CADM2: variants seen among roughly 807,000 people sequenced by gnomAD.
CADM2 encodes cell adhesion molecule 2.
A neutral mutation model predicts 49.8 loss-of-function variants in CADM2; 12 were observed. That is an observed-to-expected ratio of 0.24 (90% CI 0.15 to 0.39). The LOEUF (loss-of-function observed/expected upper bound fraction) is 0.39, where lower values mean the gene tolerates loss of function less well. Ranked by LOEUF, CADM2 falls within the 10% of genes least tolerant of loss-of-function variation. CADM2 has a pLI of 1.00. For synonymous variants in CADM2, 214 were observed against 175.4 expected (o/e 1.22, Z -1.74); for missense variants, 378 against 492.3 (o/e 0.77, Z 2.20).
Position 86,013,119 on chromosome 3 carries a change from T to C in CADM2, c.970+51472T>C, listed in dbSNP as rs1274950846. The C allele has an allele frequency of 2.0e-5, 27 of 1,352,126 alleles. No individual in the cohort carries two copies. The East Asian group carries it at 6.0e-4, about 30-fold the overall frequency. 83.8% of individuals were successfully genotyped at this position (1,352,126 alleles called of 1,614,324 possible). A position where few individuals can be genotyped will look rare whatever the true frequency, so the allele number is the denominator to read the frequency against. ...AACAATATTTGATCTTACAGTCATTTGAACAAACCACGTAAGTAGACACAG... is the reference window on the plus strand; with the variant it reads ...AACAATATTTGATCTTACAGTCATTCGAACAAACCACGTAAGTAGACACAG... On this transcript the variant is annotated intron_variant, in intron 8 of 9. Coordinates refer to ENST00000383699, the MANE Select transcript of CADM2 (RefSeq NM_001167675.2).
At position 85,460,201 on chromosome 3, in the gene CADM2, T is replaced by A. The variant is rs189097317; in HGVS notation, c.62-266321T>A. Among the ~76,000 whole-genome samples the A allele has an allele frequency of 6.7e-4, 102 of 152,248 alleles. 1 individual carries two copies. The highest frequency in any genetic ancestry group is 2.3e-3 in the African/African-American group (97 of 41,544). ...ACTTTATGTTAATCAGTTCAGAATTTTTCAACTAACTCAGATTAGTTGAAA... is the reference window on the plus strand; with the variant it reads ...ACTTTATGTTAATCAGTTCAGAATTATTCAACTAACTCAGATTAGTTGAAA... On this transcript the variant is annotated intron_variant, in intron 1 of 9. Transcript: ENST00000383699.
chr3:85,069,040 C>A (rs550225446), intron 1 of CADM2, among the ~76,000 whole-genome samples: 2 of 152,034 alleles, frequency 1.3e-5, no homozygotes, highest in South Asian at 4.2e-4. Flanking sequence ...TTATGTTGTG[C>A]CAATCAAATA....
intron 1 of CADM2, among the ~76,000 whole-genome samples, chr3:85,533,974 A>G (rs2061373549): frequency 6.6e-6 from 1 of 152,192 alleles, no homozygotes; most frequent in African/African-American, 2.4e-5. Context: ...TCATTTAGAA[A>G]TGCCATAGTC....
rs1365451058 is a variant in CADM2, at chr3:84,959,532, C to T, written c.-76C>T. ...CGCCGGGAGGAGGACACCAGCGGAG[C>T]CCTGCACTCTCGTGCCCCGCTCACC... is the stretch of plus-strand genomic sequence containing the variant. On this transcript the variant is annotated 5_prime_UTR_variant, in exon 1 of 10. Transcript: ENST00000383699. 2.9e-6 allele frequency: 4 copies of T among 1,385,364 alleles called. No individual in the cohort carries two copies. Among genetic ancestry groups the T allele is most frequent in the East Asian group, 2.5e-5 (1 of 40,028 alleles). The allele number at this position is 1,385,364 out of a possible 1,614,324, so 85.8% of individuals were successfully genotyped here. A position where few individuals can be genotyped will look rare whatever the true frequency, so the allele number is the denominator to read the frequency against.
intron 1 of CADM2, among the ~76,000 whole-genome samples, chr3:85,312,425 A>C (rs2044367902): frequency 6.6e-6 from 1 of 152,132 alleles, no homozygotes; most frequent in Non-Finnish European, 1.5e-5. Flanking sequence ...CTAGACATTG[A>C]ATAAAACTAA....
intron 2 of CADM2, among the ~76,000 whole-genome samples, chr3:85,770,464 C>A (rs2070018679): frequency 6.6e-6 from 1 of 152,012 alleles, no homozygotes; most frequent in South Asian, 2.1e-4. Context: ...AAGGCATGCA[C>A]TACCACCACT....
intron 2 of CADM2, among the ~76,000 whole-genome samples, chr3:85,763,928 T>C (rs1032891588): frequency 6.6e-6 from 1 of 152,138 alleles, no homozygotes; most frequent in African/African-American, 2.4e-5. Flanking sequence ...TCCTTTTCTC[T>C]TCAGAGCATT....
chr3:85,525,132 G>A (rs59825726), intron 1 of CADM2, among the ~76,000 whole-genome samples: 78,258 of 151,904 alleles, frequency 0.52, 23,126 homozygotes, highest in East Asian at 0.85. Flanking sequence ...TTCTGCACGT[G>A]TATCCCAGAG....
intron 1 of CADM2, among the ~76,000 whole-genome samples, chr3:85,431,329 T>G (rs1176498922): frequency 2.0e-5 from 3 of 152,122 alleles, no homozygotes; most frequent in African/African-American, 7.2e-5. Context: ...TGACTGTAAT[T>G]TAAAGGAATT....
At chr3:85,463,617 G>GA (rs1330353554) in intron 1 of CADM2, among the ~76,000 whole-genome samples, 1 of 151,954 alleles carries the variant, frequency 6.6e-6, no homozygotes, top group Non-Finnish European at 1.5e-5. Context: ...ACATATGAGT[G>GA]AAAAAAATCT....
intron 1 of CADM2, among the ~76,000 whole-genome samples, chr3:85,028,815 AT>A (rs2034847784): frequency 6.6e-6 from 1 of 151,888 alleles, no homozygotes; most frequent in Non-Finnish European, 1.5e-5. Flanking sequence ...CCTATCACTA[AT>A]TTCCACTACA....
chr3:86,013,224 A>G (rs1269757371), intron 8 of CADM2: 36 of 1,434,222 alleles, frequency 2.5e-5, no homozygotes, highest in South Asian at 1.7e-4. Context: ...AGCAGGAACA[A>G]AAACATAAAC....
intron 1 of CADM2, among the ~76,000 whole-genome samples, chr3:85,433,497 G>C (rs2036784005): frequency 6.6e-6 from 1 of 151,984 alleles, no homozygotes. Context: ...TTGCTTACTT[G>C]TGACTACCCG....
At chr3:85,896,881 A>T (rs1715287661) in intron 5 of CADM2, among the ~76,000 whole-genome samples, 2 of 152,142 alleles carry the variant, frequency 1.3e-5, no homozygotes, top group Admixed American at 1.3e-4. Context: ...TTAGATTAGA[A>T]TCACCTCAGG....
At chr3:85,957,970 T>C (rs1226339260) in intron 7 of CADM2, among the ~76,000 whole-genome samples, 2 of 152,012 alleles carry the variant, frequency 1.3e-5, no homozygotes, top group Non-Finnish European at 2.9e-5. Flanking sequence ...AGAGCTTCTT[T>C]CTGCACAGCA....
chr3:85,568,448 T>TTTCTTTCTTTCTTTCTTTCTTTCA (rs1559915884), intron 1 of CADM2, among the ~76,000 whole-genome samples: 4 of 34,590 alleles, frequency 1.2e-4, no homozygotes, highest in Non-Finnish European at 5.7e-5. Flanking sequence ...TCTTTCTTTC[T>TTTCTTTCTTTCTTTCTTTCTTTCA]TTCTTTCTTT....
chr3:85,048,705 T>C (rs569799219), intron 1 of CADM2, among the ~76,000 whole-genome samples: 23 of 152,234 alleles, frequency 1.5e-4, no homozygotes, highest in African/African-American at 4.8e-4. Context: ...GTGGTTGTTG[T>C]GGGAACTCCC....
chr3:85,855,542 ATTGT>A (rs900091176), intron 3 of CADM2, among the ~76,000 whole-genome samples: 3 of 147,562 alleles, frequency 2.0e-5, no homozygotes, highest in African/African-American at 7.4e-5. Context: ...AATGTCAAGA[ATTGT>A]TTATTTTTAT....
At chr3:85,778,366 T>C (rs1045503716) in intron 2 of CADM2, among the ~76,000 whole-genome samples, 8 of 152,094 alleles carry the variant, frequency 5.3e-5, no homozygotes, top group East Asian at 1.9e-4. Flanking sequence ...TGGCTCCGTG[T>C]CCCCACCCAA....
Sources: allele counts gnomAD v4.1 joint callset (sites outside exome capture counted in the v4.1 genomes callset), GRCh38; gene constraint gnomAD v4.1.1; transcripts MANE v1.5; gene names NCBI Gene and HGNC (gene_info 2026-07-23, HGNC 2026-07-21).